Variants in ADAM10 observed in about 807,000 individuals in gnomAD.
ADAM10 encodes ADAM metallopeptidase domain 10.
A neutral mutation model predicts 90.1 loss-of-function variants in ADAM10; 17 were observed. That is an observed-to-expected ratio of 0.19 (90% CI 0.13 to 0.28). The LOEUF is 0.28. ADAM10 is among the 10% of genes least tolerant of loss of function. ADAM10 has a pLI of 1.00. For missense variants in ADAM10, 610 were observed against 914.3 expected (o/e 0.67, Z 4.29); for synonymous variants, 310 against 298.6 (o/e 1.04, Z -0.40).
intron 10 of ADAM10, 107 bp from the exon 11 acceptor site, chr15:58,621,728 T>C (rs1895793266): frequency 2.9e-6 from 4 of 1,388,688 alleles, no homozygotes; most frequent in Non-Finnish European, 3.0e-6. Flanking sequence ...AGGAAAACTT[T>C]GATGAATAAG....
At chr15:58,624,324 A>G (rs1895875475) in intron 10 of ADAM10, among the ~76,000 whole-genome samples, 1 of 152,058 alleles carries the variant, frequency 6.6e-6, no homozygotes, top group Non-Finnish European at 1.5e-5. Context: ...AACTAGAAAC[A>G]TGCATCTGCA....
chr15:58,737,382 C>T (rs984165976), intron 1 of ADAM10, among the ~76,000 whole-genome samples: 1 of 152,072 alleles, frequency 6.6e-6, no homozygotes, highest in African/African-American at 2.4e-5. Flanking sequence ...CTATAAAGAA[C>T]CTGACTGACT....
At chr15:58,645,834 T>C (rs1442815266) in intron 6 of ADAM10, among the ~76,000 whole-genome samples, 1 of 150,690 alleles carries the variant, frequency 6.6e-6, no homozygotes, top group East Asian at 2.0e-4. Flanking sequence ...TGTCATCATC[T>C]CCTTCAGGAA....
chr15:58,700,639 CAAA>C, intron 2 of ADAM10, among the ~76,000 whole-genome samples: 1 of 152,004 alleles, frequency 6.6e-6, no homozygotes, highest in Non-Finnish European at 1.5e-5. Context: ...GGAAAGATTT[CAAA>C]TAAACAATAT....
At chr15:58,685,563 T>C (rs1433546426) in intron 2 of ADAM10, among the ~76,000 whole-genome samples, 11 of 122,954 alleles carry the variant, frequency 8.9e-5, no homozygotes, top group African/African-American at 4.3e-4. Flanking sequence ...TATATATATA[T>C]ATATATATAT....
intron 4 of ADAM10, among the ~76,000 whole-genome samples, chr15:58,678,206 T>G: frequency 6.6e-6 from 1 of 152,176 alleles, no homozygotes; most frequent in East Asian, 1.9e-4. Context: ...ATATGTTATT[T>G]TCTATAGCAA....
intron 5 of ADAM10, among the ~76,000 whole-genome samples, chr15:58,649,178 T>C (rs1896625351): frequency 6.6e-6 from 1 of 152,156 alleles, no homozygotes; most frequent in Non-Finnish European, 1.5e-5. Flanking sequence ...TTTGAATTTT[T>C]ATTCTATCCC....
chr15:58,619,332 G>GT (rs1364911260), intron 11 of ADAM10, among the ~76,000 whole-genome samples: 3 of 152,160 alleles, frequency 2.0e-5, no homozygotes, highest in African/African-American at 4.8e-5. Context: ...GATGAGAAGG[G>GT]TAGTGGAGAG....
In ADAM10 at chr15:58,691,364, T is replaced by A. The variant is rs770644691; in HGVS notation, c.207-9050A>T. 3 of 933,928 alleles carry A rather than the reference T, an allele frequency of 3.2e-6. No individual in the cohort carries two copies. In the Admixed American group the frequency reaches 5.4e-5, roughly 17 times the overall value. 57.9% of individuals were successfully genotyped at this position (933,928 alleles called of 1,614,324 possible). On this transcript the variant is annotated intron_variant, in intron 2 of 15. Coordinates refer to ENST00000260408, the MANE Select transcript of ADAM10 (RefSeq NM_001110.4). The stretch of plus-strand genomic sequence containing the variant: ...ACTCATCAATGGGCTCACTCATATA[T>A]ATTACCTCGAAGCCCTTCTTCCACT...
intron 2 of ADAM10, among the ~76,000 whole-genome samples, chr15:58,713,177 G>A (rs1177985687): frequency 2.6e-5 from 4 of 152,042 alleles, no homozygotes; most frequent in East Asian, 1.9e-4. Flanking sequence ...CATGGCTCAC[G>A]GCAGCCTCAA....
At chr15:58,748,392 C>T (rs1303237332) in intron 1 of ADAM10, 1 of 152,294 alleles carries the variant, frequency 6.6e-6, no homozygotes, top group Admixed American at 6.5e-5. Context: ...CTTTTAGGCA[C>T]ACCTTGAGGT....
At chr15:58,610,737 C>G (rs1370889503) in intron 13 of ADAM10, 2 of 648,830 alleles carry the variant, frequency 3.1e-6, no homozygotes, top group East Asian at 5.4e-5. Flanking sequence ...TCAGTGTCCA[C>G]GATGACTTAA....
chr15:58,599,983 T>G (rs1895064941), intron 14 of ADAM10, among the ~76,000 whole-genome samples: 1 of 152,214 alleles, frequency 6.6e-6, no homozygotes, highest in Non-Finnish European at 1.5e-5. Flanking sequence ...TTTTTTAGTC[T>G]CTTTACATAT....
chr15:58,737,188 T>C (rs1474726697), intron 1 of ADAM10, among the ~76,000 whole-genome samples: 1 of 152,168 alleles, frequency 6.6e-6, no homozygotes, highest in Non-Finnish European at 1.5e-5. Context: ...AAATTATTTT[T>C]CCTAATCACA....
At position 58,610,287 on chromosome 15, in the gene ADAM10, A is replaced by C. The variant is rs1895404395; in HGVS notation, c.2025+10T>G. On this transcript the variant is annotated intron_variant, in intron 14 of 15. Transcript: ENST00000260408. Reference sequence around the variant, plus strand: ...TTTAAGTTTTCTTTGTAAATAAAAAACATACTTACCACAATCCATTCAGCA... The same window carrying C: ...TTTAAGTTTTCTTTGTAAATAAAAACCATACTTACCACAATCCATTCAGCA... 1 of 1,612,428 alleles carries C rather than the reference A, an allele frequency of 6.2e-7. No individual in the cohort carries two copies. Among genetic ancestry groups the C allele is most frequent in the Non-Finnish European group, 8.5e-7 (1 of 1,178,512 alleles).
At chr15:58,662,204 C>G (rs549230937) in intron 5 of ADAM10, among the ~76,000 whole-genome samples, 1 of 152,166 alleles carries the variant, frequency 6.6e-6, no homozygotes, top group African/African-American at 2.4e-5. Flanking sequence ...CTCTGACAGA[C>G]AGCTAATTTA....
chr15:58,692,918 T>A (rs1897868647), intron 2 of ADAM10: 1 of 702,826 alleles, frequency 1.4e-6, no homozygotes, highest in Non-Finnish European at 2.7e-6. Context: ...TCAGCCTTGG[T>A]CATGCCAATG....
chr15:58,632,268 G>T (rs975108077), intron 9 of ADAM10, among the ~76,000 whole-genome samples: 1 of 152,104 alleles, frequency 6.6e-6, no homozygotes, highest in Non-Finnish European at 1.5e-5. Context: ...ATTTTGTTAG[G>T]TGTAATAACC....
At chr15:58,678,508 A>C (rs1240271817) in intron 4 of ADAM10, among the ~76,000 whole-genome samples, 2 of 152,166 alleles carry the variant, frequency 1.3e-5, no homozygotes, top group South Asian at 2.1e-4. Flanking sequence ...TACTTCAAAG[A>C]AGCATTCCCA....
Sources: gnomAD v4.1 joint callset for allele counts (sites outside exome capture counted in the v4.1 genomes callset) on GRCh38, gnomAD v4.1.1 for gene constraint, MANE v1.5 for transcripts, NCBI Gene and HGNC (gene_info 2026-07-23, HGNC 2026-07-21) for gene names.